FRMD5: variants seen among roughly 807,000 people sequenced by gnomAD.
FRMD5 encodes FERM domain-containing protein 5.
Under a neutral mutation model 69.0 loss-of-function variants are expected in FRMD5, and 20 were observed. The ratio of observed to expected loss-of-function variants is 0.29; its 90% confidence interval spans 0.20 to 0.42. FRMD5 has a LOEUF of 0.42. FRMD5 is among the 10% of genes least tolerant of loss of function. The probability of loss-of-function intolerance (pLI) is 1.00; values close to 1 mark genes in which losing one functional copy is unlikely to be tolerated. For missense variants in FRMD5, 595 were observed against 708.6 expected (o/e 0.84, Z 1.82); for synonymous variants, 271 against 260.1 (o/e 1.04, Z -0.40).
chr15:43,989,863 T>C (rs1461692393), intron 1 of FRMD5: 12 of 1,031,704 alleles, frequency 1.2e-5, no homozygotes, highest in Middle Eastern at 2.3e-4. Context: ...CAGGGGGACC[T>C]TGGTCAGCAG....
intron 1 of FRMD5, among the ~76,000 whole-genome samples, chr15:44,101,955 T>C (rs1163514443): frequency 6.6e-6 from 1 of 152,172 alleles, no homozygotes; most frequent in East Asian, 1.9e-4. Flanking sequence ...TGGCTTAAGG[T>C]ATTGCAGGGT....
intron 1 of FRMD5, among the ~76,000 whole-genome samples, chr15:43,967,435 A>G (rs1343870368): frequency 6.6e-6 from 1 of 151,890 alleles, no homozygotes; most frequent in East Asian, 1.9e-4. Context: ...GTTTCACCAT[A>G]CTGGCCAGGC....
chr15:44,010,473 C>T (rs1164795840), intron 1 of FRMD5, among the ~76,000 whole-genome samples: 1 of 150,772 alleles, frequency 6.6e-6, no homozygotes, highest in East Asian at 2.0e-4. Context: ...TCTCAGCTCA[C>T]TGCAACCTCC....
chr15:43,890,507 A>C (rs553574957), intron 8 of FRMD5, among the ~76,000 whole-genome samples: 104 of 152,322 alleles, frequency 6.8e-4, no homozygotes, highest in African/African-American at 2.4e-3. Context: ...TGGAATGTGG[A>C]TCTGGGCCCT....
chr15:44,035,566 C>T (rs1891870856), intron 1 of FRMD5, among the ~76,000 whole-genome samples: 1 of 152,164 alleles, frequency 6.6e-6, no homozygotes, highest in Non-Finnish European at 1.5e-5. Flanking sequence ...TTTTACCTCC[C>T]AAAGAGTATT....
intron 1 of FRMD5, among the ~76,000 whole-genome samples, chr15:44,032,950 A>C (rs1232952054): frequency 6.6e-6 from 1 of 152,252 alleles, no homozygotes; most frequent in Non-Finnish European, 1.5e-5. Context: ...AGAGACAAGG[A>C]ATCAACCTAA....
intron 1 of FRMD5, among the ~76,000 whole-genome samples, chr15:44,131,917 T>C (rs1456078236): frequency 7.1e-6 from 1 of 141,372 alleles, no homozygotes; most frequent in African/African-American, 2.5e-5. Flanking sequence ...TCAAGTGCTT[T>C]ACATTTATTG....
intron 1 of FRMD5, among the ~76,000 whole-genome samples, chr15:43,938,231 C>CA (rs775430626): frequency 0.38 from 24,009 of 64,022 alleles, 5,167 homozygotes; most frequent in African/African-American, 0.62. Context: ...GACTCCGTCT[C>CA]AAAAAAAAAA....
intron 1 of FRMD5, among the ~76,000 whole-genome samples, chr15:44,176,047 T>C (rs1187210473): frequency 1.3e-5 from 2 of 152,102 alleles, no homozygotes; most frequent in Non-Finnish European, 2.9e-5. Flanking sequence ...CTAAAATTCA[T>C]ATGGAAATGC....
chr15:44,148,478 A>G (rs2077391848), intron 1 of FRMD5, among the ~76,000 whole-genome samples: 2 of 152,120 alleles, frequency 1.3e-5, no homozygotes, highest in South Asian at 4.1e-4. Context: ...TCACCGTGTT[A>G]GCCAGGATGG....
chr15:44,194,579 C>T (rs1245999711), intron 1 of FRMD5: 1 of 331,012 alleles, frequency 3.0e-6, no homozygotes, highest in African/African-American at 2.3e-5. Flanking sequence ...AGCCTGCGCC[C>T]CCGACGGGGC....
intron 1 of FRMD5, among the ~76,000 whole-genome samples, chr15:44,106,252 G>T (rs1474805578): frequency 1.3e-5 from 2 of 151,954 alleles, no homozygotes. Context: ...ATAGAAAGAC[G>T]AACTAATACC....
intron 1 of FRMD5, among the ~76,000 whole-genome samples, chr15:43,986,242 C>A (rs1325919516): frequency 6.6e-6 from 1 of 152,186 alleles, no homozygotes; most frequent in African/African-American, 2.4e-5. Context: ...ACAAAGTGTG[C>A]GGTGGGGTTG....
intron 1 of FRMD5, among the ~76,000 whole-genome samples, chr15:44,076,699 AC>A (rs1458194084): frequency 2.6e-4 from 39 of 150,694 alleles, no homozygotes; most frequent in Admixed American, 1.6e-3. Flanking sequence ...GGTGCAGTGC[AC>A]CAGCATGGCA....
chr15:43,906,080 G>A, intron 5 of FRMD5, 129 bp from the exon 6 acceptor site: 1 of 1,204,992 alleles, frequency 8.3e-7, no homozygotes, highest in Non-Finnish European at 1.2e-6. Context: ...AGTGGATTCT[G>A]AGCACGGCTG....
At chr15:44,074,271 T>C (rs2140422105) in intron 1 of FRMD5, among the ~76,000 whole-genome samples, 1 of 152,334 alleles carries the variant, frequency 6.6e-6, no homozygotes, top group South Asian at 2.1e-4. Context: ...GCTTATTTGT[T>C]ACACAAATAT....
At chr15:44,111,596 T>C (rs964935197) in intron 1 of FRMD5, among the ~76,000 whole-genome samples, 3 of 152,324 alleles carry the variant, frequency 2.0e-5, no homozygotes, top group Non-Finnish European at 4.4e-5. Context: ...TAACTTTCTC[T>C]CAACTCCAAA....
intron 1 of FRMD5, among the ~76,000 whole-genome samples, chr15:43,968,397 C>T (rs552055541): frequency 3.9e-4 from 59 of 152,236 alleles, no homozygotes; most frequent in African/African-American, 1.1e-3. Context: ...CATTCCTATT[C>T]GTACCAAGAT....
chr15:43,906,078 C>T, intron 5 of FRMD5, 127 bp from the exon 6 acceptor site: 1 of 1,203,286 alleles, frequency 8.3e-7, no homozygotes, highest in Non-Finnish European at 1.2e-6. Flanking sequence ...ACAGTGGATT[C>T]TGAGCACGGC....
Sources: allele counts gnomAD v4.1 joint callset (sites outside exome capture counted in the v4.1 genomes callset), GRCh38; gene constraint gnomAD v4.1.1; transcripts MANE v1.5; gene names NCBI Gene and HGNC (gene_info 2026-07-23, HGNC 2026-07-21).